The following TDRD9 variants were observed in gnomAD, a reference collection of about 807,000 sequenced individuals.
TDRD9 encodes the protein ATP-dependent RNA helicase TDRD9.
TDRD9 carries 124 observed loss-of-function variants against 172.6 expected under a neutral mutation model. That is an observed-to-expected ratio of 0.72 (90% confidence interval 0.62 to 0.83). The LOEUF is 0.83. TDRD9 is among the 40% of genes least tolerant of loss of function. The pLI is 0.00. For synonymous variants in TDRD9, 619 were observed against 617.1 expected (o/e 1.00, Z -0.05); for missense variants, 1,479 against 1,714.1 (o/e 0.86, Z 2.42).
chr14:103,960,109 A>G (rs1168956877), intron 2 of TDRD9, among the ~76,000 whole-genome samples: 2 of 152,260 alleles, frequency 1.3e-5, no homozygotes, highest in African/African-American at 4.8e-5. Context: ...ACTAGTCCAT[A>G]TTTGGAGAAA....
chr14:103,968,066 T>G (rs1386344910), intron 5 of TDRD9, among the ~76,000 whole-genome samples: 7 of 152,220 alleles, frequency 4.6e-5, no homozygotes, highest in African/African-American at 1.7e-4. Context: ...GTGTCTGACA[T>G]ATTTCTCTGC....
intron 5 of TDRD9, among the ~76,000 whole-genome samples, chr14:103,968,699 G>T (rs2032865665): frequency 6.9e-6 from 1 of 144,280 alleles, no homozygotes; most frequent in Admixed American, 7.2e-5. Flanking sequence ...AGGAGGCTGA[G>T]GCAGGAGAAT....
chr14:103,978,350 G>A (rs2033339318), intron 7 of TDRD9, among the ~76,000 whole-genome samples: 2 of 152,118 alleles, frequency 1.3e-5, no homozygotes, highest in African/African-American at 4.8e-5. Flanking sequence ...GGAGGCCAAG[G>A]TGGGCCGATC....
At chr14:104,029,061 TATA>T in intron 28 of TDRD9, among the ~76,000 whole-genome samples, 5 of 152,338 alleles carry the variant, frequency 3.3e-5, no homozygotes, top group Admixed American at 3.3e-4. Context: ...TTTATGCCAG[TATA>T]ATGCTGGTTT....
chr14:104,043,389 C>T (rs2035666755), intron 34 of TDRD9, among the ~76,000 whole-genome samples: 1 of 152,018 alleles, frequency 6.6e-6, no homozygotes, highest in Non-Finnish European at 1.5e-5. Flanking sequence ...TACAGGCACC[C>T]ACCACCATGC....
Position 104,025,775 on chromosome 14 carries a change from A to G in TDRD9, c.2930A>G (p.Glu977Gly). Residue 977 changes from glutamate to glycine, a missense_variant and splice_region_variant, in exon 26 of 36, where the codon GAG becomes GGG. Glu to Gly is a moderately conservative substitution (Grantham distance 98). Around this residue, in one of 3 missense-constraint regions of TDRD9, gnomAD observed 1,413 missense variants for 1,649.1 expected, o/e 0.86. Coordinates refer to ENST00000409874, the MANE Select transcript of TDRD9 (RefSeq NM_153046.3). ...QVLYVSGNSA[E>G]VFFVDYGNKS... ...CTTTATGTTTCTGGAAATTCTGCTG[A>G]GGTAGGTTTTTCTGTAACAAGTCAC... is the stretch of plus-strand genomic sequence containing the variant. The G allele has an allele frequency of 1.2e-6, 2 of 1,612,678 alleles. No homozygotes were observed. Among genetic ancestry groups the G allele is most frequent in the Non-Finnish European group, 1.7e-6 (2 of 1,178,882 alleles).
At chr14:103,953,792 AAG>A (rs1395933285) in intron 1 of TDRD9, among the ~76,000 whole-genome samples, 1 of 152,104 alleles carries the variant, frequency 6.6e-6, no homozygotes, top group African/African-American at 2.4e-5. Context: ...CCAGTTCAAA[AAG>A]AGAGTATTTA....
At chr14:103,929,137 A>C (rs2030192677) in intron 1 of TDRD9, among the ~76,000 whole-genome samples, 1 of 152,022 alleles carries the variant, frequency 6.6e-6, no homozygotes, top group Non-Finnish European at 1.5e-5. Flanking sequence ...CCATCGTTAC[A>C]GGAGGGTTCA....
chr14:104,047,168 TA>T (rs1305986350), intron 34 of TDRD9, among the ~76,000 whole-genome samples: 1 of 152,246 alleles, frequency 6.6e-6, no homozygotes, highest in Non-Finnish European at 1.5e-5. Context: ...TAATTTCTCT[TA>T]ATACTGTTTT....
intron 23 of TDRD9, among the ~76,000 whole-genome samples, chr14:104,019,126 A>G (rs2034877222): frequency 6.6e-6 from 1 of 152,240 alleles, no homozygotes; most frequent in Non-Finnish European, 1.5e-5. Context: ...AGTCACATAT[A>G]TAAAGTAACT....
chr14:104,010,247 AT>A (rs1459580267), intron 20 of TDRD9, among the ~76,000 whole-genome samples: 2 of 133,622 alleles, frequency 1.5e-5, no homozygotes, highest in East Asian at 4.5e-4. Context: ...GCCTGTCCTA[AT>A]TTTTTTTATT....
chr14:103,995,710 T>C, intron 11 of TDRD9, 40 bp from the exon 12 acceptor site: 1 of 1,540,694 alleles, frequency 6.5e-7, no homozygotes, highest in East Asian at 2.3e-5. Flanking sequence ...ATGTTCGGAA[T>C]ATAGTAGGAA....
chr14:103,955,462 C>T (rs1285325635), intron 1 of TDRD9, among the ~76,000 whole-genome samples: 2 of 152,044 alleles, frequency 1.3e-5, no homozygotes, highest in Non-Finnish European at 2.9e-5. Flanking sequence ...AATATTTGCT[C>T]TTTTTGCCAA....
At chr14:104,025,423 C>G in intron 25 of TDRD9, 141 bp from the exon 26 acceptor site, 1 of 669,498 alleles carries the variant, frequency 1.5e-6, no homozygotes, top group Non-Finnish European at 2.5e-6. Context: ...CTGTTAAAAA[C>G]CTGTAAATAC....
intron 8 of TDRD9, among the ~76,000 whole-genome samples, chr14:103,989,760 G>A (rs1295352844): frequency 6.6e-6 from 1 of 152,176 alleles, no homozygotes; most frequent in East Asian, 1.9e-4. Flanking sequence ...AAAGTGCATG[G>A]TGTTGAGTTT....
rs573510804 is a variant in TDRD9 at position 104,031,511 on chromosome 14, C to CT, written c.3438+255dup. ...TTTTTTTAAACCCTCCTGACGTGTG[C>CT]TTTTTTTGTCGGACTAAAGGAAGCA... On this transcript the variant is annotated intron_variant, in intron 29 of 35. Coordinates refer to ENST00000409874, the MANE Select transcript of TDRD9 (RefSeq NM_153046.3). 4.4e-4 allele frequency among the ~76,000 whole-genome samples: 42 copies of CT among 94,552 alleles called. No homozygotes were observed. The South Asian group carries it at 0.014, about 32-fold the overall frequency. 62.0% of individuals were successfully genotyped at this position (94,552 alleles called of 152,430 possible). A position where few individuals can be genotyped will look rare whatever the true frequency, so the allele number is the denominator to read the frequency against.
chr14:103,982,773 C>T (rs759099149), intron 7 of TDRD9, among the ~76,000 whole-genome samples: 8 of 152,068 alleles, frequency 5.3e-5, no homozygotes, highest in East Asian at 2.0e-4. Flanking sequence ...TGGTGGCACA[C>T]GCCTGTAATC....
chr14:104,024,753 CA>C, intron 25 of TDRD9, 73 bp downstream of exon 25: 1 of 18,214 alleles, frequency 5.5e-5, no homozygotes. Context: ...GAAGTTTACA[CA>C]CACACACACA....
chr14:103,982,227 C>A (rs549149207), intron 7 of TDRD9, among the ~76,000 whole-genome samples: 7 of 152,348 alleles, frequency 4.6e-5, no homozygotes, highest in African/African-American at 1.7e-4. Flanking sequence ...TGAAACATAA[C>A]TGAAGCTCTT....
Sources: gnomAD v4.1 joint callset for allele counts (sites outside exome capture counted in the v4.1 genomes callset) on GRCh38, gnomAD v4.1.1 for gene constraint, gnomAD v4.1.1 regional missense constraint, MANE v1.5 for transcripts, NCBI Gene and HGNC (gene_info 2026-07-23, HGNC 2026-07-21) for gene names.